The following PLXDC2 variants were observed in gnomAD, a reference collection of about 807,000 sequenced individuals.
The protein encoded by PLXDC2 is plexin domain-containing protein 2.
PLXDC2 carries 40 observed loss-of-function variants against 68.9 expected under a neutral mutation model. That is an observed-to-expected ratio of 0.58 (90% confidence interval 0.45 to 0.76). PLXDC2 has a LOEUF of 0.76. Among genes scored for constraint, PLXDC2 ranks in the 30% least tolerant of loss-of-function variants. The pLI, the probability that PLXDC2 is intolerant of heterozygous loss-of-function variation, is 0.00. For synonymous variants in PLXDC2, 243 were observed against 234.2 expected, an observed-to-expected ratio of 1.04 and a Z score of -0.34; for missense variants, 644 against 661.9, an observed-to-expected ratio of 0.97 and a Z score of 0.30.
chr10:20,076,318 T>C (rs1368794134), intron 4 of PLXDC2, among the ~76,000 whole-genome samples: 1 of 152,218 alleles, frequency 6.6e-6, no homozygotes, highest in Non-Finnish European at 1.5e-5. Flanking sequence ...CAGGTTAAGA[T>C]AAATAGACTT....
intron 2 of PLXDC2, among the ~76,000 whole-genome samples, chr10:20,004,109 A>G (rs1342463823): frequency 6.6e-6 from 1 of 152,246 alleles, no homozygotes; most frequent in African/African-American, 2.4e-5. Flanking sequence ...CCTGAAGCAG[A>G]TATTACCTAG....
intron 6 of PLXDC2, among the ~76,000 whole-genome samples, chr10:20,159,056 G>A (rs1251339556): frequency 1.3e-5 from 2 of 151,962 alleles, no homozygotes; most frequent in Non-Finnish European, 2.9e-5. Context: ...AGAAATCCTG[G>A]GCTCTTACTC....
At chr10:19,974,506 C>T (rs1834415354) in intron 1 of PLXDC2, among the ~76,000 whole-genome samples, 1 of 152,148 alleles carries the variant, frequency 6.6e-6, no homozygotes, top group South Asian at 2.1e-4. Flanking sequence ...AAATAAATTG[C>T]TCTGGTGTTT....
intron 9 of PLXDC2, among the ~76,000 whole-genome samples, chr10:20,186,398 A>G (rs762781938): frequency 1.3e-5 from 2 of 151,948 alleles, no homozygotes; most frequent in Admixed American, 1.3e-4. Flanking sequence ...TTCTTTCTCT[A>G]GAGTGTATTC....
At chr10:20,055,000 A>G (rs1296032746) in intron 3 of PLXDC2, among the ~76,000 whole-genome samples, 1 of 152,120 alleles carries the variant, frequency 6.6e-6, no homozygotes, top group African/African-American at 2.4e-5. Context: ...CTCTGGCTTA[A>G]ATATTTTTTT....
intron 3 of PLXDC2, among the ~76,000 whole-genome samples, chr10:20,052,073 C>T (rs556188632): frequency 8.6e-4 from 131 of 151,834 alleles, no homozygotes; most frequent in Non-Finnish European, 1.7e-3. Context: ...TTAAAACACA[C>T]TGACACACAC....
rs889969390 is a variant in PLXDC2 at position 19,910,055 on chromosome 10, G to T, written c.113-91720G>T. On this transcript the variant is annotated intron_variant, in intron 1 of 13. Coordinates refer to ENST00000377252, the MANE Select transcript of PLXDC2 (RefSeq NM_032812.9). ...TTCACATACATTTTACAAAGCCTGA[G>T]TGGTCCAGGGTGATGTTATAATTTT... is the stretch of plus-strand genomic sequence containing the variant. Among the ~76,000 whole-genome samples, 3 of 152,060 alleles carry T rather than the reference G, an allele frequency of 2.0e-5. No individual in the cohort carries two copies. The South Asian group carries it at 6.2e-4, about 31-fold the overall frequency.
At chr10:20,105,241 T>C (rs1833476577) in intron 4 of PLXDC2, among the ~76,000 whole-genome samples, 1 of 152,112 alleles carries the variant, frequency 6.6e-6, no homozygotes, top group Admixed American at 6.5e-5. Context: ...CTTCATTCTG[T>C]TCCAGAAACG....
At chr10:19,898,758 G>A (rs1200890313) in intron 1 of PLXDC2, among the ~76,000 whole-genome samples, 3 of 152,092 alleles carry the variant, frequency 2.0e-5, no homozygotes, top group African/African-American at 4.8e-5. Context: ...GCCCATAGAC[G>A]TGTTTGACCT....
intron 1 of PLXDC2, among the ~76,000 whole-genome samples, chr10:19,897,777 G>A (rs931294983): frequency 1.3e-5 from 2 of 152,106 alleles, no homozygotes; most frequent in East Asian, 3.9e-4. Context: ...TTAGTTACAG[G>A]GCTAGCAATA....
chr10:20,091,057 C>T (rs149863384), intron 4 of PLXDC2, among the ~76,000 whole-genome samples: 4 of 152,100 alleles, frequency 2.6e-5, no homozygotes, highest in South Asian at 4.2e-4. Flanking sequence ...TACTGCCAGC[C>T]CCCCCACACC....
At chr10:20,218,938 C>G in intron 11 of PLXDC2, 126 bp from the exon 12 acceptor site, 1 of 1,026,962 alleles carries the variant, frequency 9.7e-7, no homozygotes, top group Non-Finnish European at 1.4e-6. Flanking sequence ...GAAATTACCA[C>G]AATAAATTAT....
At chr10:20,079,953 G>A (rs1018352277) in intron 4 of PLXDC2, among the ~76,000 whole-genome samples, 3 of 151,646 alleles carry the variant, frequency 2.0e-5, no homozygotes, top group African/African-American at 7.3e-5. Flanking sequence ...ATTAAAAAAA[G>A]AAACAAAAAA....
chr10:20,044,211 G>GTCTTTCTTTCTCTCTT (rs1835743198), intron 2 of PLXDC2, among the ~76,000 whole-genome samples: 1 of 68,548 alleles, frequency 1.5e-5, no homozygotes, highest in Admixed American at 1.7e-4. Flanking sequence ...CTCTCTCTCT[G>GTCTTTCTTTCTCTCTT]TCTTTCTTTC....
chr10:19,913,930 A>G (rs1279218009), intron 1 of PLXDC2, among the ~76,000 whole-genome samples: 4 of 152,134 alleles, frequency 2.6e-5, no homozygotes, highest in Non-Finnish European at 5.9e-5. Flanking sequence ...AGACACACAC[A>G]CAGACAAACA....
At chr10:20,010,273 T>G (rs1165307513) in intron 2 of PLXDC2, among the ~76,000 whole-genome samples, 1 of 152,176 alleles carries the variant, frequency 6.6e-6, no homozygotes, top group Non-Finnish European at 1.5e-5. Flanking sequence ...TCTTTTCTGT[T>G]TGGGTAATTT....
At chr10:19,881,978 C>T (rs1042801840) in intron 1 of PLXDC2, among the ~76,000 whole-genome samples, 5 of 152,122 alleles carry the variant, frequency 3.3e-5, no homozygotes, top group South Asian at 2.1e-4. Flanking sequence ...AGTCATCTTA[C>T]GTTGTTAGAT....
chr10:20,235,559 A>G (rs1835421636), intron 12 of PLXDC2, among the ~76,000 whole-genome samples: 1 of 152,154 alleles, frequency 6.6e-6, no homozygotes, highest in South Asian at 2.1e-4. Flanking sequence ...TATTATGTCC[A>G]TTTTGCAGAA....
chr10:20,062,888 A>T (rs1391825027), intron 3 of PLXDC2, among the ~76,000 whole-genome samples: 3 of 152,308 alleles, frequency 2.0e-5, no homozygotes, highest in Non-Finnish European at 4.4e-5. Flanking sequence ...CATAAATAAA[A>T]CAAATATAAT....
Sources: allele counts gnomAD v4.1 joint callset (sites outside exome capture counted in the v4.1 genomes callset), GRCh38; gene constraint gnomAD v4.1.1; transcripts MANE v1.5; gene names NCBI Gene and HGNC (gene_info 2026-07-23, HGNC 2026-07-21).